PDK1: variants seen among roughly 807,000 people sequenced by gnomAD.
PDK1 encodes pyruvate dehydrogenase kinase 1.
In PDK1, 39 loss-of-function variants were observed where a neutral mutation model predicts 54.2. The ratio of observed to expected loss-of-function variants is 0.72; its 90% confidence interval spans 0.56 to 0.94. The LOEUF is 0.94. Ranked by LOEUF, PDK1 falls within the 40% of genes least tolerant of loss-of-function variation. The pLI, the probability that PDK1 is intolerant of heterozygous loss-of-function variation, is 0.00. For synonymous variants in PDK1, 221 were observed against 207.1 expected (o/e 1.07, Z -0.58); for missense variants, 552 against 566.0 (o/e 0.98, Z 0.25).
At chr2:172,588,591 C>A (rs764832899) in intron 9 of PDK1, among the ~76,000 whole-genome samples, 1 of 152,174 alleles carries the variant, frequency 6.6e-6, no homozygotes, top group South Asian at 2.1e-4. Flanking sequence ...CTCCTCCATA[C>A]ATCTACATGC....
chr2:172,637,065 C>T, the PDK1 span, among the ~76,000 whole-genome samples: 2 of 152,310 alleles, frequency 1.3e-5, no homozygotes, highest in South Asian at 2.1e-4. Context: ...TATGTTATTG[C>T]AGGATTTCAA....
At chr2:172,695,401 G>GA in the PDK1 span, among the ~76,000 whole-genome samples, 1 of 152,084 alleles carries the variant, frequency 6.6e-6, no homozygotes, top group Non-Finnish European at 1.5e-5. Context: ...ACACAACATA[G>GA]ACAACAGTCT....
upstream of PDK1, chr2:172,555,847 G>C (rs536748550): frequency 1.8e-5 from 5 of 275,622 alleles, no homozygotes; most frequent in East Asian, 6.6e-5. Context: ...TCGCCGGCTG[G>C]GGCGGGATCT....
At chr2:172,579,870 G>T (rs1387189736) in intron 8 of PDK1, among the ~76,000 whole-genome samples, 3 of 151,732 alleles carry the variant, frequency 2.0e-5, no homozygotes, top group African/African-American at 7.3e-5. Context: ...CATATTAAGA[G>T]GATGTTGGGC....
the PDK1 span, among the ~76,000 whole-genome samples, chr2:172,633,428 A>G: frequency 1.0e-4 from 14 of 138,542 alleles, no homozygotes; most frequent in South Asian, 3.2e-3. Flanking sequence ...GACACTTCCA[A>G]TTGATCAAAA....
the PDK1 span, among the ~76,000 whole-genome samples, chr2:172,708,856 C>T: frequency 1.3e-5 from 2 of 152,168 alleles, no homozygotes; most frequent in Admixed American, 1.3e-4. Context: ...GACTGGGACC[C>T]ATCGCATGAG....
chr2:172,559,383 A>G (rs1688535244), intron 2 of PDK1, among the ~76,000 whole-genome samples: 1 of 152,224 alleles, frequency 6.6e-6, no homozygotes, highest in Non-Finnish European at 1.5e-5. Flanking sequence ...ACTGAAATAC[A>G]GATGCTAAAT....
chr2:172,578,810 C>T (rs1689721119), intron 8 of PDK1, among the ~76,000 whole-genome samples: 1 of 151,514 alleles, frequency 6.6e-6, no homozygotes, highest in African/African-American at 2.4e-5. Context: ...AGTCTCTGCT[C>T]ATTTAGCTTA....
the PDK1 span, chr2:172,677,650 A>G: frequency 2.6e-5 from 4 of 152,234 alleles, no homozygotes; most frequent in Non-Finnish European, 1.5e-5. Flanking sequence ...GACATTTCAC[A>G]GCTCTGTTAA....
intron 8 of PDK1, among the ~76,000 whole-genome samples, chr2:172,573,574 T>C (rs1440725082): frequency 1.3e-5 from 2 of 151,552 alleles, no homozygotes; most frequent in African/African-American, 4.8e-5. Context: ...TATATACATA[T>C]ATGTGTGTGT....
the PDK1 span, among the ~76,000 whole-genome samples, chr2:172,682,170 A>G: frequency 2.0e-5 from 3 of 152,236 alleles, no homozygotes; most frequent in Non-Finnish European, 4.4e-5. Context: ...CTGGAAGAAG[A>G]GATTCCAGTC....
the PDK1 span, among the ~76,000 whole-genome samples, chr2:172,663,361 G>C: frequency 6.6e-6 from 1 of 152,196 alleles, no homozygotes; most frequent in South Asian, 2.1e-4. Flanking sequence ...GATAGGACTT[G>C]AACATATGAA....
intron 8 of PDK1, among the ~76,000 whole-genome samples, chr2:172,581,188 G>A (rs995536476): frequency 6.6e-6 from 1 of 152,124 alleles, no homozygotes; most frequent in Admixed American, 6.5e-5. Context: ...CGCCTCCCAG[G>A]TTCAAGCGAT....
At chr2:172,716,583 C>T in the PDK1 span, among the ~76,000 whole-genome samples, 1 of 151,982 alleles carries the variant, frequency 6.6e-6, no homozygotes, top group East Asian at 1.9e-4. Context: ...CCTCAGCCTC[C>T]CAAAGTGCTG....
chr2:172,632,154 G>A, the PDK1 span, among the ~76,000 whole-genome samples: 2 of 151,934 alleles, frequency 1.3e-5, no homozygotes, highest in Admixed American at 1.3e-4. Flanking sequence ...TGTAATCCCA[G>A]CTATAGGGAG....
chr2:172,578,093 G>C (rs193023546), intron 8 of PDK1, among the ~76,000 whole-genome samples: 4 of 152,090 alleles, frequency 2.6e-5, no homozygotes, highest in Non-Finnish European at 5.9e-5. Flanking sequence ...AGTTTTGCTG[G>C]TTATAGAATT....
the PDK1 span, among the ~76,000 whole-genome samples, chr2:172,628,673 C>G: frequency 3.9e-5 from 6 of 152,246 alleles, no homozygotes; most frequent in African/African-American, 9.6e-5. Flanking sequence ...CCCTTCTCAC[C>G]TAATACTAGA....
chr2:172,659,868 C>G, the PDK1 span, among the ~76,000 whole-genome samples: 4 of 152,210 alleles, frequency 2.6e-5, no homozygotes, highest in African/African-American at 9.7e-5. Context: ...TGTTAAGGAG[C>G]AGCACCTTTT....
intron 8 of PDK1, among the ~76,000 whole-genome samples, chr2:172,578,545 G>C (rs979816120): frequency 2.0e-5 from 3 of 151,996 alleles, no homozygotes; most frequent in African/African-American, 7.2e-5. Flanking sequence ...TTTGTTTACG[G>C]AGTGTGAGTT....
Sources: allele counts gnomAD v4.1 joint callset (sites outside exome capture counted in the v4.1 genomes callset), GRCh38; gene constraint gnomAD v4.1.1; transcripts MANE v1.5; gene names NCBI Gene and HGNC (gene_info 2026-07-23, HGNC 2026-07-21).